Variants in BUD23 observed in about 807,000 individuals in gnomAD.
BUD23 encodes the protein 18S rRNA (guanine-N(7))-methyltransferase.
Under a neutral mutation model 47.0 loss-of-function variants are expected in BUD23, and 34 were observed. That is an observed-to-expected ratio of 0.72 (90% CI 0.55 to 0.96). The LOEUF (loss-of-function observed/expected upper bound fraction) is 0.96, where lower values mean the gene tolerates loss of function less well. Among genes scored for constraint, BUD23 ranks in the 40% least tolerant of loss-of-function variants. The pLI is 0.00. For synonymous variants in BUD23, 124 were observed against 132.0 expected, an observed-to-expected ratio of 0.94 and a Z score of 0.41; for missense variants, 343 against 361.2, an observed-to-expected ratio of 0.95 and a Z score of 0.41.
In BUD23 at chr7:73,692,611, G is replaced by C; in HGVS notation, c.475G>C (p.Ala159Pro). The C allele has an allele frequency of 6.2e-7, 1 of 1,613,848 alleles. No homozygotes were observed. Among genetic ancestry groups the C allele is most frequent in the Non-Finnish European group, 8.5e-7 (1 of 1,179,758 alleles). ...LFSVLVRGSRAVLQLYPENSE... is the reference protein window; with the variant it reads ...LFSVLVRGSRPVLQLYPENSE... ...TTTCTTTCAGGTCCGGGGATCCCGA[G>C]CTGTCCTGCAGCTGTACCCTGAGAA... The change falls in exon 7 of 12, where the codon GCT becomes CCT. Residue 159 changes from alanine (A) to proline (P), a missense_variant. Physicochemically the swap from Ala to Pro is conservative, Grantham distance 27. Coordinates refer to ENST00000265758, the MANE Select transcript of BUD23 (RefSeq NM_017528.5).
chr7:73,698,137 G>T lies in BUD23; in HGVS notation c.*251G>T, dbSNP rs1141320. 7 of 135,952 alleles carry T rather than the reference G, an allele frequency of 5.1e-5. No individual in the cohort carries two copies. The East Asian group carries it at 6.5e-4, about 13-fold the overall frequency. 8.4% of individuals were successfully genotyped at this position (135,952 alleles called of 1,614,324 possible). A position where few individuals can be genotyped will look rare whatever the true frequency, so the allele number is the denominator to read the frequency against. On this transcript the variant is annotated 3_prime_UTR_variant, in exon 12 of 12. Transcript: ENST00000265758. Reference sequence around the variant, plus strand: ...ATAATGAAACTTCCTTTCCAGGGAGGAAAAAAAAAAAAAAAAAAAGCTCTG... The same window carrying T: ...ATAATGAAACTTCCTTTCCAGGGAGTAAAAAAAAAAAAAAAAAAAGCTCTG...
At chr7:73,684,103 C>G (rs1256897990) in intron 2 of BUD23, 15 of 890,080 alleles carry the variant, frequency 1.7e-5, no homozygotes, top group African/African-American at 3.4e-5. Flanking sequence ...TGGGTACGGG[C>G]GAGGGGTCAG....
intron 4 of BUD23, 27 bp downstream of exon 4, chr7:73,686,927 G>A (rs782128509): frequency 1.2e-6 from 2 of 1,614,160 alleles, no homozygotes; most frequent in Non-Finnish European, 1.7e-6. Flanking sequence ...TGGCACCAGG[G>A]TGGATTACCC....
rs1369491408 is a variant in BUD23 at position 73,698,017 on chromosome 7, C to T, written c.*131C>T. 1.9e-5 allele frequency: 21 copies of T among 1,096,422 alleles called. No individual in the cohort carries two copies. Among genetic ancestry groups the T allele is most frequent in the South Asian group, 6.9e-5 (4 of 57,736 alleles). The allele number at this position is 1,096,422 out of a possible 1,614,324, so 67.9% of individuals were successfully genotyped here. A position where few individuals can be genotyped will look rare whatever the true frequency, so the allele number is the denominator to read the frequency against. On this transcript the variant is annotated 3_prime_UTR_variant, in exon 12 of 12. Transcript: ENST00000265758. ...GCAGTAAAAAAAAAGTTCTCTGGGC[C>T]GGGCGTGGTGGCTCACACCTGTAAT...
intron 6 of BUD23, among the ~76,000 whole-genome samples, 163 bp downstream of exon 6, chr7:73,691,175 C>T (rs1230399761): frequency 6.6e-6 from 1 of 152,084 alleles, no homozygotes; most frequent in Non-Finnish European, 1.5e-5. Context: ...AGGTCCTCAG[C>T]CTAAATGGAA....
At chr7:73,684,628 T>TGG (rs1797874176) in intron 2 of BUD23, among the ~76,000 whole-genome samples, 5 of 33,246 alleles carry the variant, frequency 1.5e-4, no homozygotes, top group Admixed American at 5.5e-4. Context: ...GGGGGGGGGA[T>TGG]GGGGGCGGGG....
intron 5 of BUD23, among the ~76,000 whole-genome samples, chr7:73,688,829 C>A (rs1437765085): frequency 6.6e-6 from 1 of 151,976 alleles, no homozygotes; most frequent in Non-Finnish European, 1.5e-5. Flanking sequence ...AAGTGGGGAG[C>A]CAGGTGAGAG....
chr7:73,693,015 C>T, intron 7 of BUD23: 1 of 544,678 alleles, frequency 1.8e-6, no homozygotes, highest in East Asian at 3.0e-5. Flanking sequence ...AAGTGAAGAG[C>T]TGTTCCTGAC....
chr7:73,697,537 C>T, intron 10 of BUD23, 68 bp from the exon 11 acceptor site: 6 of 1,610,848 alleles, frequency 3.7e-6, no homozygotes, highest in Non-Finnish European at 5.1e-6. Context: ...CATGGATTCA[C>T]ATGGGGGCCA....
At chr7:73,689,066 T>C (rs193284583) in intron 5 of BUD23, among the ~76,000 whole-genome samples, 78 of 152,342 alleles carry the variant, frequency 5.1e-4, no homozygotes, top group Non-Finnish European at 1.0e-3. Flanking sequence ...ACTGTTTTTT[T>C]GGAGACGGAT....
rs782514057 is a variant in BUD23, at chr7:73,697,730, G to T, written c.791+36G>T. The T allele has an allele frequency of 6.8e-6, 11 of 1,611,638 alleles. No individual in the cohort carries two copies. The Admixed American group carries it at 1.2e-4, about 17-fold the overall frequency. ...GCCTGGGAGCTGGCAGGGTGGGTGG[G>T]GGGTGGATGACTATTGCCATGAAGA... is the stretch of plus-strand genomic sequence containing the variant. On this transcript the variant is annotated intron_variant, in intron 11 of 11. Transcript: ENST00000265758.
intron 10 of BUD23, chr7:73,694,323 T>A: frequency 2.5e-6 from 1 of 395,692 alleles, no homozygotes; most frequent in Non-Finnish European, 4.5e-6. Flanking sequence ...GCTGTCTCCT[T>A]CTTTTCTGAT....
In BUD23 at chr7:73,683,630, C is replaced by A. The variant is rs782291625; in HGVS notation, c.5C>A (p.Ala2Glu). M[A>E]SRGRRPEHGG... Reference sequence around the variant, plus strand: ...GTGTGCTGCTGAGGCGTGAGAATGGCGTCCCGCGGCCGGCGTCCGGAGCAT... The same window carrying A: ...GTGTGCTGCTGAGGCGTGAGAATGGAGTCCCGCGGCCGGCGTCCGGAGCAT... Residue 2 changes from alanine (A) to glutamate (E), a missense_variant, in exon 1 of 12, where the codon GCG becomes GAG. Transcript: ENST00000265758. 1 of 1,609,588 alleles carries A rather than the reference C, an allele frequency of 6.2e-7. No homozygotes were observed. The highest frequency in any genetic ancestry group is 8.5e-7 in the Non-Finnish European group (1 of 1,178,498).
intron 2 of BUD23, 183 bp downstream of exon 2, chr7:73,683,987 A>G (rs1797837412): frequency 2.7e-6 from 4 of 1,475,852 alleles, no homozygotes; most frequent in Non-Finnish European, 3.6e-6. Flanking sequence ...GGGCCTCGGT[A>G]CCTCAGCGTT....
At chr7:73,687,885 C>G (rs1321833485) in intron 5 of BUD23, among the ~76,000 whole-genome samples, 1 of 151,678 alleles carries the variant, frequency 6.6e-6, no homozygotes, top group Non-Finnish European at 1.5e-5. Flanking sequence ...TACTAAAAAG[C>G]CAGACGTGGT....
intron 7 of BUD23, 181 bp from the exon 8 acceptor site, chr7:73,693,148 G>A: frequency 1.6e-6 from 1 of 625,922 alleles, no homozygotes. Flanking sequence ...ATTCTCCTGA[G>A]GGAGGTGTGG....
chr7:73,687,609 T>C (rs782026389), intron 5 of BUD23, among the ~76,000 whole-genome samples: 11 of 152,028 alleles, frequency 7.2e-5, no homozygotes, highest in Admixed American at 2.0e-4. Context: ...AGATGGGTTT[T>C]TGCTATGTTG....
In BUD23 at chr7:73,685,150, A is replaced by G. The variant is rs138466723; in HGVS notation, c.86+1346A>G. Among the ~76,000 whole-genome samples the G allele has an allele frequency of 4.4e-4, 67 of 151,682 alleles. 1 individual carries two copies. The highest frequency in any genetic ancestry group is 1.5e-3 in the African/African-American group (64 of 41,326). On this transcript the variant is annotated intron_variant, in intron 2 of 11. Transcript: ENST00000265758. ...TGGTGAAATCCCGTCTCTACTGAAA[A>G]TACAGATATTAGCCGGGCCTACGGG...
intron 2 of BUD23, among the ~76,000 whole-genome samples, chr7:73,684,422 C>T (rs1554612439): frequency 1.3e-5 from 2 of 151,594 alleles, no homozygotes; most frequent in Non-Finnish European, 2.9e-5. Context: ...CCCTCTGCCT[C>T]TCCAGTAGTT....
Sources: gnomAD v4.1 joint callset for allele counts (sites outside exome capture counted in the v4.1 genomes callset) on GRCh38, gnomAD v4.1.1 for gene constraint, MANE v1.5 for transcripts, NCBI Gene and HGNC (gene_info 2026-07-23, HGNC 2026-07-21) for gene names.